The following NAV2 variants were observed in gnomAD, a reference collection of about 807,000 sequenced individuals.
NAV2 encodes the protein neuron navigator 2, also known as helicase, APC down-regulated 1.
NAV2 carries 54 observed loss-of-function variants against 223.2 expected under a neutral mutation model. That is an observed-to-expected ratio of 0.24 (90% CI 0.19 to 0.30). The LOEUF (loss-of-function observed/expected upper bound fraction) is 0.30. Ranked by LOEUF, NAV2 falls within the 10% of genes least tolerant of loss-of-function variation. NAV2 has a pLI of 1.00. For missense variants in NAV2, 2,806 were observed against 3,147.5 expected, an observed-to-expected ratio of 0.89 and a Z score of 2.60; for synonymous variants, 1,279 against 1,239.3, an observed-to-expected ratio of 1.03 and a Z score of -0.67.
intron 1 of NAV2, among the ~76,000 whole-genome samples, chr11:19,678,654 T>C (rs1196399933): frequency 6.6e-6 from 1 of 152,080 alleles, no homozygotes; most frequent in East Asian, 1.9e-4. Context: ...CTATCTAGGG[T>C]AGAAATTGGC....
At chr11:20,040,069 A>T (rs994016871) in intron 12 of NAV2, among the ~76,000 whole-genome samples, 10 of 152,160 alleles carry the variant, frequency 6.6e-5, no homozygotes, top group Admixed American at 2.6e-4. Context: ...TGAGTTCAGG[A>T]TGTATGTGGA....
At chr11:19,718,960 G>C (rs1198157792) in intron 1 of NAV2, among the ~76,000 whole-genome samples, 1 of 152,138 alleles carries the variant, frequency 6.6e-6, no homozygotes. Flanking sequence ...CCAAATTCTA[G>C]CTTTCAGAAT....
At chr11:19,347,053 A>T (rs1253136458), upstream of NAV2, among the ~76,000 whole-genome samples, 2 of 152,214 alleles carry the variant, frequency 1.3e-5, no homozygotes, top group South Asian at 4.1e-4. Flanking sequence ...TCCAGATTTA[A>T]AAAACAGTTT....
At chr11:19,825,356 G>A (rs1319977024) in intron 1 of NAV2, among the ~76,000 whole-genome samples, 1 of 148,296 alleles carries the variant, frequency 6.7e-6, no homozygotes, top group East Asian at 2.0e-4. Context: ...AGTCTAGAGT[G>A]AGGCTTCCTG....
chr11:19,601,458 G>A (rs2046347993), intron 1 of NAV2, among the ~76,000 whole-genome samples: 1 of 152,134 alleles, frequency 6.6e-6, no homozygotes, highest in South Asian at 2.1e-4. Flanking sequence ...GGGTATGTGT[G>A]TCAGTCTGGG....
At chr11:20,107,617 C>A in intron 35 of NAV2, 47 bp from the exon 36 acceptor site, 1 of 1,443,630 alleles carries the variant, frequency 6.9e-7, no homozygotes, top group African/African-American at 1.4e-5. Flanking sequence ...GATGCCCCAT[C>A]ACCCATGCCC....
chr11:19,676,494 T>A (rs942957376), intron 1 of NAV2, among the ~76,000 whole-genome samples: 6 of 151,782 alleles, frequency 4.0e-5, no homozygotes, highest in African/African-American at 1.5e-4. Flanking sequence ...AAAAAAAAAA[T>A]TTTTAGAAAG....
rs561227645 is a variant in NAV2 at position 19,467,709 on chromosome 11, G to A, written c.75+116682G>A. ...ATGGCATCTTGCTGCCAGAATCAGCGTCCTGTCTTTGGAGCAGGTTGTCTA... is the reference window on the plus strand; with the variant it reads ...ATGGCATCTTGCTGCCAGAATCAGCATCCTGTCTTTGGAGCAGGTTGTCTA... On this transcript the variant is annotated intron_variant, in intron 1 of 37. Coordinates refer to the NAV2 transcript ENST00000360655. Among the ~76,000 whole-genome samples the A allele has an allele frequency of 4.6e-5, 7 of 152,312 alleles. No individual in the cohort carries two copies. The South Asian group carries it at 6.2e-4, about 14-fold the overall frequency.
chr11:19,377,133 G>T (rs1848667054), intron 1 of NAV2, among the ~76,000 whole-genome samples: 1 of 152,132 alleles, frequency 6.6e-6, no homozygotes, highest in African/African-American at 2.4e-5. Flanking sequence ...TCTAGGCCTT[G>T]TTTTCTCAAC....
At chr11:19,454,801 G>C (rs981674744) in intron 1 of NAV2, among the ~76,000 whole-genome samples, 1 of 152,164 alleles carries the variant, frequency 6.6e-6, no homozygotes, top group South Asian at 2.1e-4. Flanking sequence ...GCTAGCAAGG[G>C]GAGTGTTGGG....
intron 10 of NAV2, among the ~76,000 whole-genome samples, chr11:19,961,086 A>G (rs1004792391): frequency 2.6e-5 from 4 of 151,666 alleles, no homozygotes; most frequent in African/African-American, 9.7e-5. Flanking sequence ...AACCAAATCC[A>G]TATTTCTTTT....
At chr11:19,565,383 G>T (rs935372938) in intron 1 of NAV2, among the ~76,000 whole-genome samples, 1 of 152,134 alleles carries the variant, frequency 6.6e-6, no homozygotes, top group African/African-American at 2.4e-5. Flanking sequence ...TCCAATTAAA[G>T]GTCCCCTCCT....
At chr11:19,485,536 A>G (rs1267186369) in intron 1 of NAV2, among the ~76,000 whole-genome samples, 1 of 152,146 alleles carries the variant, frequency 6.6e-6, no homozygotes, top group African/African-American at 2.4e-5. Flanking sequence ...AAAAACTGCA[A>G]TCACTCCTTT....
At chr11:19,545,524 G>A (rs185085587) in intron 1 of NAV2, among the ~76,000 whole-genome samples, 24 of 152,306 alleles carry the variant, frequency 1.6e-4, no homozygotes, top group Admixed American at 3.9e-4. Context: ...CTGGCATGGC[G>A]CAAATGGGAG....
intron 3 of NAV2, among the ~76,000 whole-genome samples, chr11:19,860,199 T>C (rs1178620074): frequency 1.2e-4 from 16 of 131,394 alleles, no homozygotes; most frequent in South Asian, 7.7e-4. Flanking sequence ...CCAGACGGGG[T>C]GGCTGCCGGG....
At chr11:19,566,077 A>AT (rs1404969370) in intron 1 of NAV2, among the ~76,000 whole-genome samples, 1 of 123,420 alleles carries the variant, frequency 8.1e-6, no homozygotes, top group Non-Finnish European at 1.8e-5. Flanking sequence ...ATTTTATTTT[A>AT]TTTTTTTGTG....
intron 12 of NAV2, among the ~76,000 whole-genome samples, chr11:20,038,576 T>C (rs1411560755): frequency 3.3e-5 from 5 of 152,188 alleles, no homozygotes; most frequent in African/African-American, 1.2e-4. Flanking sequence ...TGAGGAATGC[T>C]AAGGGCCATT....
intron 1 of NAV2, among the ~76,000 whole-genome samples, chr11:19,516,623 A>T (rs761179552): frequency 4.6e-5 from 7 of 152,026 alleles, no homozygotes; most frequent in Admixed American, 2.6e-4. Flanking sequence ...TTCGGGGGAG[A>T]TGATAGAATG....
At chr11:19,606,542 G>A (rs1409511827) in intron 1 of NAV2, among the ~76,000 whole-genome samples, 1 of 152,050 alleles carries the variant, frequency 6.6e-6, no homozygotes, top group African/African-American at 2.4e-5. Context: ...GCTAAACTCT[G>A]CCCAGTCCCA....
Sources: allele counts gnomAD v4.1 joint callset (sites outside exome capture counted in the v4.1 genomes callset), GRCh38; gene constraint gnomAD v4.1.1; transcripts MANE v1.5; gene names NCBI Gene and HGNC (gene_info 2026-07-23, HGNC 2026-07-21).